The following MPPED1 variants were observed in gnomAD, a reference collection of about 807,000 sequenced individuals.
MPPED1 encodes metallophosphoesterase domain containing 1, also known as metallophosphoesterase domain-containing protein 1.
In MPPED1, 16 loss-of-function variants were observed where a neutral mutation model predicts 36.2. That is an observed-to-expected ratio of 0.44 (90% confidence interval 0.30 to 0.67). MPPED1 has a LOEUF of 0.67. Among genes scored for constraint, MPPED1 ranks in the 30% least tolerant of loss-of-function variants. The probability of loss-of-function intolerance (pLI) is 0.10; values close to 1 mark genes in which losing one functional copy is unlikely to be tolerated. For missense variants in MPPED1, 307 were observed against 453.4 expected (o/e 0.68, Z 2.93); for synonymous variants, 199 against 191.3 (o/e 1.04, Z -0.33).
At chr22:43,484,933 G>A (rs1036644688) in intron 4 of MPPED1, among the ~76,000 whole-genome samples, 2 of 152,162 alleles carry the variant, frequency 1.3e-5, no homozygotes, top group African/African-American at 2.4e-5. Flanking sequence ...TGAGCCCAAC[G>A]TGCAGCATCA....
intron 1 of MPPED1, among the ~76,000 whole-genome samples, chr22:43,414,667 C>T (rs564276710): frequency 3.3e-5 from 5 of 152,248 alleles, no homozygotes; most frequent in South Asian, 2.1e-4. Flanking sequence ...GGAATTTCTG[C>T]GTTATCCCTG....
At chr22:43,431,021 A>T (rs1194895229) in intron 2 of MPPED1, among the ~76,000 whole-genome samples, 423 of 42,298 alleles carry the variant, frequency 0.01, 2 homozygotes, top group Middle Eastern at 0.033. Flanking sequence ...GTTGTTGTTA[A>T]TTTTTTTTTT....
At chr22:43,495,531 TGGTG>T (rs1160461984) in intron 4 of MPPED1, among the ~76,000 whole-genome samples, 13 of 49,470 alleles carry the variant, frequency 2.6e-4, no homozygotes, top group African/African-American at 7.0e-4. Flanking sequence ...GAGGTGGTGG[TGGTG>T]GAGATGGTGG....
intron 3 of MPPED1, among the ~76,000 whole-genome samples, chr22:43,471,892 G>T (rs1030236733): frequency 6.6e-6 from 1 of 152,218 alleles, no homozygotes; most frequent in Non-Finnish European, 1.5e-5. Flanking sequence ...CAAGAGGAGG[G>T]TCAGGGAGGT....
chr22:43,436,483 C>G (rs1351707610), intron 3 of MPPED1, among the ~76,000 whole-genome samples: 1 of 152,240 alleles, frequency 6.6e-6, no homozygotes, highest in Non-Finnish European at 1.5e-5. Flanking sequence ...GTTTGGCAGG[C>G]AGAGGGCTTT....
At chr22:43,418,917 G>C (rs1009911540) in intron 1 of MPPED1, 2 of 152,386 alleles carry the variant, frequency 1.3e-5, no homozygotes, top group African/African-American at 4.8e-5. Flanking sequence ...TCAGGCAGGA[G>C]AGGAGGGGTT....
chr22:43,426,485 G>A (rs1929477105), intron 2 of MPPED1, among the ~76,000 whole-genome samples: 1 of 152,190 alleles, frequency 6.6e-6, no homozygotes, highest in African/African-American at 2.4e-5. Context: ...AAGGGTCCAG[G>A]CCCTGGGCCG....
rs541345627 is a variant in MPPED1, at chr22:43,465,312, T to C, written c.407-9424T>C. 7.9e-5 allele frequency among the ~76,000 whole-genome samples: 12 copies of C among 152,372 alleles called. No homozygotes were observed. In the East Asian group the frequency reaches 2.3e-3, roughly 29 times the overall value. On this transcript the variant is annotated intron_variant, in intron 3 of 6. Coordinates refer to ENST00000443721, the MANE Select transcript of MPPED1 (RefSeq NM_001044370.2). ...GAGGCTGCCACCTGATGGGCTCATC[T>C]CATCCTAACAGTGTTGGTTACCATC...
intron 4 of MPPED1, among the ~76,000 whole-genome samples, chr22:43,489,548 T>C (rs1404007420): frequency 1.3e-5 from 2 of 151,594 alleles, no homozygotes; most frequent in African/African-American, 4.9e-5. Context: ...AGATGGAGTC[T>C]CGCTCTGTCG....
At chr22:43,480,807 T>A (rs1931724382) in intron 4 of MPPED1, among the ~76,000 whole-genome samples, 1 of 151,912 alleles carries the variant, frequency 6.6e-6, no homozygotes, top group Non-Finnish European at 1.5e-5. Context: ...TGAAGACTTA[T>A]TTCTTTTTCT....
chr22:43,445,731 T>G (rs775199406), intron 3 of MPPED1, among the ~76,000 whole-genome samples: 6 of 148,840 alleles, frequency 4.0e-5, no homozygotes, highest in Non-Finnish European at 8.9e-5. Context: ...CCACCATGCC[T>G]GGCTAATTTT....
chr22:43,485,489 T>C (rs904803220), intron 4 of MPPED1, among the ~76,000 whole-genome samples: 6 of 151,312 alleles, frequency 4.0e-5, no homozygotes, highest in Non-Finnish European at 7.4e-5. Flanking sequence ...GTCACACACA[T>C]ACACATGGAT....
chr22:43,465,622 G>T (rs1350432578), intron 3 of MPPED1, among the ~76,000 whole-genome samples: 1 of 152,218 alleles, frequency 6.6e-6, no homozygotes, highest in African/African-American at 2.4e-5. Flanking sequence ...GCACGTCCCT[G>T]GGTGCTTGTT....
In MPPED1 at chr22:43,412,015, C is replaced by G; in HGVS notation, c.-222C>G. The stretch of plus-strand genomic sequence containing the variant: ...CCACGAAGGAGGAGTCTGGCTCCCA[C>G]TTGCAGCCTCGGACGCGCGGCGAGG... On this transcript the variant is annotated 5_prime_UTR_variant, in exon 1 of 7. Transcript: ENST00000443721. The G allele has an allele frequency of 1.0e-6, 1 of 978,934 alleles. No individual in the cohort carries two copies. Among genetic ancestry groups the G allele is most frequent in the Non-Finnish European group, 1.2e-6 (1 of 827,324 alleles). The allele number at this position is 978,934 out of a possible 1,614,324, so 60.6% of individuals were successfully genotyped here. A position where few individuals can be genotyped will look rare whatever the true frequency, so the allele number is the denominator to read the frequency against.
intron 3 of MPPED1, among the ~76,000 whole-genome samples, chr22:43,465,987 C>A (rs1256839813): frequency 1.3e-5 from 2 of 152,192 alleles, no homozygotes; most frequent in South Asian, 2.1e-4. Flanking sequence ...GTCCTGCTAG[C>A]TACAGGCAGC....
At chr22:43,489,463 T>C (rs1932016575) in intron 4 of MPPED1, among the ~76,000 whole-genome samples, 1 of 151,740 alleles carries the variant, frequency 6.6e-6, no homozygotes, top group African/African-American at 2.4e-5. Flanking sequence ...GAGCAGTCTG[T>C]CCTGGGAAGT....
chr22:43,457,028 T>C (rs1930779823), intron 3 of MPPED1, among the ~76,000 whole-genome samples: 1 of 152,230 alleles, frequency 6.6e-6, no homozygotes, highest in Admixed American at 6.5e-5. Flanking sequence ...TAGTATTTTT[T>C]TGAGGATTTT....
chr22:43,434,040 G>T (rs1024293863), intron 2 of MPPED1, among the ~76,000 whole-genome samples: 1 of 152,208 alleles, frequency 6.6e-6, no homozygotes, highest in Non-Finnish European at 1.5e-5. Context: ...CTTAGCCCAC[G>T]TCCACATTTC....
At chr22:43,413,100 G>C (rs1000866533) in intron 1 of MPPED1, among the ~76,000 whole-genome samples, 1 of 152,360 alleles carries the variant, frequency 6.6e-6, no homozygotes. Flanking sequence ...CTCTTCCCCA[G>C]TGCTGGGCTG....
Sources: allele counts gnomAD v4.1 joint callset (sites outside exome capture counted in the v4.1 genomes callset), GRCh38; gene constraint gnomAD v4.1.1; transcripts MANE v1.5; gene names NCBI Gene and HGNC (gene_info 2026-07-23, HGNC 2026-07-21).